ADGRL3: variants seen among roughly 807,000 people sequenced by gnomAD.
The protein encoded by ADGRL3 is calcium-independent alpha-latrotoxin receptor 3.
Under a neutral mutation model 153.5 loss-of-function variants are expected in ADGRL3, and 62 were observed. The ratio of observed to expected loss-of-function variants is 0.40; its 90% confidence interval spans 0.33 to 0.50. ADGRL3 has a LOEUF of 0.50. Among genes scored for constraint, ADGRL3 ranks in the 20% least tolerant of loss-of-function variants. The pLI is 0.47. For synonymous variants in ADGRL3, 710 were observed against 672.5 expected (o/e 1.06, Z -0.86); for missense variants, 1,641 against 1,859.4 (o/e 0.88, Z 2.16).
At chr4:61,242,577 G>A (rs939977635) in intron 1 of ADGRL3, among the ~76,000 whole-genome samples, 14 of 151,912 alleles carry the variant, frequency 9.2e-5, no homozygotes, top group South Asian at 2.1e-4. Context: ...GAACCCCAAC[G>A]AAAACCAGTC....
intron 2 of ADGRL3, among the ~76,000 whole-genome samples, chr4:61,493,468 A>C (rs1311205081): frequency 6.6e-6 from 1 of 152,184 alleles, no homozygotes; most frequent in African/African-American, 2.4e-5. Flanking sequence ...AATAACTTTC[A>C]CCCATTGTTT....
At chr4:61,352,300 C>T (rs1333479098) in intron 1 of ADGRL3, among the ~76,000 whole-genome samples, 1 of 152,116 alleles carries the variant, frequency 6.6e-6, no homozygotes, top group African/African-American at 2.4e-5. Context: ...TGATTGTTAG[C>T]ATTTTTAGCA....
chr4:62,070,527 C>T lies in ADGRL3; in HGVS notation c.4251C>T (p.His1417=). Residue 1417 remains histidine, a synonymous_variant, in exon 27 of 27, where the codon CAC becomes CAT. Transcript: ENST00000683033. ...RVYSTENHQP[H]HYTRRRIPQD... is the part of the protein sequence containing the mutation. ...ACTCCACCGAGAACCACCAGCCACA[C>T]CATTATACCAGAAGGCGGATCCCCC... The T allele has an allele frequency of 1.9e-6, 3 of 1,550,580 alleles. No homozygotes were observed. Among genetic ancestry groups the T allele is most frequent in the Non-Finnish European group, 2.6e-6 (3 of 1,146,776 alleles).
intron 5 of ADGRL3, among the ~76,000 whole-genome samples, chr4:61,652,317 T>C (rs1013765652): frequency 3.3e-5 from 5 of 152,200 alleles, no homozygotes; most frequent in African/African-American, 1.2e-4. Context: ...TTACTTTTAC[T>C]TATATTTTTT....
intron 2 of ADGRL3, among the ~76,000 whole-genome samples, chr4:61,456,438 T>G (rs1316151057): frequency 1.6e-4 from 20 of 122,866 alleles, no homozygotes; most frequent in East Asian, 3.9e-4. Flanking sequence ...TCTATATATA[T>G]AGATATATCT....
intron 5 of ADGRL3, among the ~76,000 whole-genome samples, chr4:61,594,180 G>T (rs2149437145): frequency 6.6e-6 from 1 of 152,134 alleles, no homozygotes; most frequent in African/African-American, 2.4e-5. Flanking sequence ...TATTAAATTT[G>T]TCTGATATAA....
At chr4:61,593,136 C>G (rs544965342) in intron 5 of ADGRL3, among the ~76,000 whole-genome samples, 1 of 152,178 alleles carries the variant, frequency 6.6e-6, no homozygotes, top group South Asian at 2.1e-4. Context: ...AATAAAAACT[C>G]TACACTTTAA....
At chr4:61,712,667 C>T (rs796091054) in intron 6 of ADGRL3, among the ~76,000 whole-genome samples, 1 of 152,058 alleles carries the variant, frequency 6.6e-6, no homozygotes. Context: ...ACCATATATC[C>T]CAATCCCCTC....
At chr4:61,556,546 A>C (rs2148899437) in intron 4 of ADGRL3, among the ~76,000 whole-genome samples, 1 of 152,268 alleles carries the variant, frequency 6.6e-6, no homozygotes, top group African/African-American at 2.4e-5. Context: ...CTGTTTCAAA[A>C]GAGTCACTCT....
At chr4:62,006,714 C>G (rs28684554) in intron 21 of ADGRL3, among the ~76,000 whole-genome samples, 3,420 of 150,210 alleles carry the variant, frequency 0.023, 134 homozygotes, top group African/African-American at 0.08. Context: ...TATATATTTA[C>G]TTTTAAAACA....
intron 2 of ADGRL3, among the ~76,000 whole-genome samples, chr4:61,396,905 T>A (rs2096874462): frequency 6.6e-6 from 1 of 151,118 alleles, no homozygotes; most frequent in East Asian, 1.9e-4. Context: ...TGAAACATGC[T>A]TTCATGTAAT....
intron 1 of ADGRL3, among the ~76,000 whole-genome samples, chr4:61,327,362 T>G (rs2150896376): frequency 6.6e-6 from 1 of 151,520 alleles, no homozygotes; most frequent in Non-Finnish European, 1.5e-5. Flanking sequence ...CTAGGGTACA[T>G]AGAGATTTCC....
intron 4 of ADGRL3, among the ~76,000 whole-genome samples, chr4:61,545,526 C>G (rs2098709299): frequency 6.6e-6 from 1 of 152,178 alleles, no homozygotes; most frequent in South Asian, 2.1e-4. Flanking sequence ...TTCTCCCTGT[C>G]TCTCCTTCTC....
At position 61,252,454 on chromosome 4, in the gene ADGRL3, C is replaced by A. The variant is rs577324287; in HGVS notation, c.-240+50689C>A. ...TTTTAAAGTTAGAATTCATTACAGA[C>A]AAATAAGTGATTCAAATTTTTGAAT... is the stretch of plus-strand genomic sequence containing the variant. On this transcript the variant is annotated intron_variant, in intron 1 of 26. Coordinates refer to ENST00000683033, the MANE Select transcript of ADGRL3 (RefSeq NM_001387552.1). Among the ~76,000 whole-genome samples the A allele has an allele frequency of 1.1e-3, 160 of 152,166 alleles. 1 individual carries two copies. The highest frequency in any genetic ancestry group is 1.5e-3 in the Non-Finnish European group (103 of 67,998).
At chr4:61,322,780 G>T (rs185204578) in intron 1 of ADGRL3, among the ~76,000 whole-genome samples, 129 of 152,296 alleles carry the variant, frequency 8.5e-4, no homozygotes, top group African/African-American at 3.1e-3. Flanking sequence ...TCACAAGCTG[G>T]CATTGAGTGC....
chr4:61,466,241 C>G (rs1413934903), intron 2 of ADGRL3, among the ~76,000 whole-genome samples: 1 of 152,136 alleles, frequency 6.6e-6, no homozygotes, highest in African/African-American at 2.4e-5. Context: ...CTACCTGTTT[C>G]CTTTCAATCT....
chr4:61,715,947 T>TAAAAAA (rs59481591), intron 6 of ADGRL3, among the ~76,000 whole-genome samples: 11 of 85,118 alleles, frequency 1.3e-4, no homozygotes, highest in Non-Finnish European at 1.3e-4. Flanking sequence ...GCCCTTAAAG[T>TAAAAAA]AAAAAAAAAA....
At chr4:61,760,016 G>T (rs926817448) in intron 8 of ADGRL3, among the ~76,000 whole-genome samples, 3 of 152,160 alleles carry the variant, frequency 2.0e-5, no homozygotes, top group Non-Finnish European at 2.9e-5. Context: ...GTTGCTGCCT[G>T]ATTGTTCCTC....
At chr4:61,258,550 A>G (rs1468725895) in intron 1 of ADGRL3, among the ~76,000 whole-genome samples, 1 of 152,180 alleles carries the variant, frequency 6.6e-6, no homozygotes, top group Non-Finnish European at 1.5e-5. Flanking sequence ...ACTAAATGAC[A>G]TAATGCCTAG....
Sources: gnomAD v4.1 joint callset for allele counts (sites outside exome capture counted in the v4.1 genomes callset) on GRCh38, gnomAD v4.1.1 for gene constraint, MANE v1.5 for transcripts, NCBI Gene and HGNC (gene_info 2026-07-23, HGNC 2026-07-21) for gene names.